The following PINK1 variants were observed in gnomAD, a reference collection of about 807,000 sequenced individuals.
PINK1 encodes PTEN induced kinase 1, also known as serine/threonine-protein kinase PINK1, mitochondrial.
In PINK1, 58 loss-of-function variants were observed where a neutral mutation model predicts 56.0. The observed-to-expected ratio is 1.04, with a 90% CI of 0.84 to 1.29. The LOEUF is 1.29. Among genes scored for constraint, PINK1 ranks in the 50% most tolerant of loss-of-function variants. The pLI is 0.00. For synonymous variants in PINK1, 354 were observed against 339.3 expected (o/e 1.04, Z -0.48); for missense variants, 745 against 777.9 (o/e 0.96, Z 0.50).
Position 20,633,498 on chromosome 1 carries a change from C to G in PINK1, c.-51C>G. ...AGTTTGTTGTGACCGGCGGGGGACG[C>G]CGGTGGTGGCGGCAGCGGCGGCTGC... On this transcript the variant is annotated 5_prime_UTR_variant, in exon 1 of 8. Coordinates refer to ENST00000321556, the MANE Select transcript of PINK1 (RefSeq NM_032409.3). The G allele has an allele frequency of 9.0e-7, 1 of 1,105,988 alleles. No homozygotes were observed. The highest frequency in any genetic ancestry group is 4.4e-5 in the South Asian group (1 of 22,942). The allele number at this position is 1,105,988 out of a possible 1,614,324, so 68.5% of individuals were successfully genotyped here. A position where few individuals can be genotyped will look rare whatever the true frequency, so the allele number is the denominator to read the frequency against.
chr1:20,637,139 T>A (rs575513436), intron 1 of PINK1, among the ~76,000 whole-genome samples: 43 of 152,252 alleles, frequency 2.8e-4, no homozygotes, highest in Admixed American at 2.4e-3. Context: ...GCTCAGCAGA[T>A]CAGACCATTT....
intron 7 of PINK1, 27 bp downstream of exon 7, chr1:20,649,258 A>C: frequency 6.2e-7 from 1 of 1,609,324 alleles, no homozygotes; most frequent in South Asian, 1.1e-5. Context: ...CTTCGAGGGG[A>C]CGGTGTGGGT....
chr1:20,650,156 G>C (rs942586302), intron 7 of PINK1: 2 of 517,428 alleles, frequency 3.9e-6, no homozygotes, highest in Admixed American at 6.4e-5. Flanking sequence ...CAAGGGACCA[G>C]ATAGCTGTGC....
At position 20,641,026 on chromosome 1, in the gene PINK1, T is replaced by C. The variant is rs2053110454; in HGVS notation, c.776+1034T>C. Among the ~76,000 whole-genome samples the C allele has an allele frequency of 1.3e-5, 2 of 152,026 alleles. No homozygotes were observed. Among genetic ancestry groups the C allele is most frequent in the Admixed American group, 1.3e-4 (2 of 15,260 alleles). Reference sequence around the variant, plus strand: ...CACTCCAGCCTGGGCGACCCTGGAGTGAGACCCTGTCTCTCATTTGTAGAC... The same window carrying C: ...CACTCCAGCCTGGGCGACCCTGGAGCGAGACCCTGTCTCTCATTTGTAGAC... On this transcript the variant is annotated intron_variant, in intron 3 of 7. Transcript: ENST00000321556. The surrounding 1 kb of genome is among the most constrained non-coding windows in gnomAD (Gnocchi z 4.0).
In PINK1 at chr1:20,644,588, T is replaced by G. The variant is rs938442681; in HGVS notation, c.875T>G (p.Leu292Arg). Residue 292 changes from leucine to arginine, a missense_variant, in exon 4 of 8, where the codon CTG (leucine) becomes CGG (arginine). Transcript: ENST00000321556. ...TCCGTGCCGCTGCTGCCAGGGGCCC[T>G]GGTCGACTACCCTGATGTGCTGCCC... Reference protein sequence around the residue: ...TSSVPLLPGALVDYPDVLPSR... With the variant: ...TSSVPLLPGARVDYPDVLPSR... 1 of 1,614,094 alleles carries G rather than the reference T, an allele frequency of 6.2e-7. No homozygotes were observed. The highest frequency in any genetic ancestry group is 8.5e-7 in the Non-Finnish European group (1 of 1,180,040).
intron 7 of PINK1, chr1:20,650,217 C>T (rs960057052): frequency 4.8e-6 from 3 of 623,764 alleles, no homozygotes; most frequent in Admixed American, 5.3e-5. Context: ...TTCAACAATG[C>T]ATGCTGCCCC....
Position 20,651,274 on chromosome 1 carries a change from T to C in PINK1, c.*583T>C, listed in dbSNP as rs1418399575. 3 of 164,392 alleles carry C rather than the reference T, an allele frequency of 1.8e-5. No homozygotes were observed. Among genetic ancestry groups the C allele is most frequent in the Admixed American group, 1.7e-4 (3 of 17,948 alleles). 10.2% of individuals were successfully genotyped at this position (164,392 alleles called of 1,614,324 possible). A position where few individuals can be genotyped will look rare whatever the true frequency, so the allele number is the denominator to read the frequency against. On this transcript the variant is annotated 3_prime_UTR_variant, in exon 8 of 8. Coordinates refer to ENST00000321556, the MANE Select transcript of PINK1 (RefSeq NM_032409.3). Reference sequence around the variant, plus strand: ...GAGGGTTTCCCTCCTGACTAGCCTCTCTTACAGGAATTGTGAAATATTAAA... The same window carrying C: ...GAGGGTTTCCCTCCTGACTAGCCTCCCTTACAGGAATTGTGAAATATTAAA...
chr1:20,650,462 T>C lies in PINK1; in HGVS notation c.1517T>C (p.Val506Ala). The part of the protein sequence containing the change: ...KRPSARVAAN[V>A]LHLSLWGEHI... ...CCATCTGCCCGAGTAGCCGCAAATGTGCTTCATCTAAGCCTCTGGGGTGAA... is the reference window on the plus strand; with the variant it reads ...CCATCTGCCCGAGTAGCCGCAAATGCGCTTCATCTAAGCCTCTGGGGTGAA... The change falls in exon 8 of 8, where the codon GTG becomes GCG. Residue 506 changes from valine to alanine, a missense_variant. Coordinates refer to ENST00000321556, the MANE Select transcript of PINK1 (RefSeq NM_032409.3). The C allele has an allele frequency of 6.2e-7, 1 of 1,614,034 alleles. No homozygotes were observed. The highest frequency in any genetic ancestry group is 8.5e-7 in the Non-Finnish European group (1 of 1,179,920).
At position 20,649,100 on chromosome 1, in the gene PINK1, T is replaced by C. The variant is rs2154534008; in HGVS notation, c.1357T>C (p.Phe453Leu). Residue 453 changes from phenylalanine to leucine, a missense_variant, in exon 7 of 8, where the codon TTC becomes CTC. Coordinates refer to ENST00000321556, the MANE Select transcript of PINK1 (RefSeq NM_032409.3). The stretch of plus-strand genomic sequence containing the variant: ...TGAAATCTTCGGGCTTGTCAATCCC[T>C]TCTACGGCCAGGGCAAGGCCCACCT... The part of the protein sequence containing the change: ...AYEIFGLVNP[F>L]YGQGKAHLES... 1 of 1,614,234 alleles carries C rather than the reference T, an allele frequency of 6.2e-7. No individual in the cohort carries two copies. Among genetic ancestry groups the C allele is most frequent in the African/African-American group, 1.3e-5 (1 of 75,070 alleles).
In PINK1 at chr1:20,644,613, C is replaced by T. The variant is rs1276422463; in HGVS notation, c.900C>T (p.Pro300=). ...GALVDYPDVL[P]SRLHPEGLGH... ...TGGTCGACTACCCTGATGTGCTGCCCTCACGCCTCCACCCTGAAGGCCTGG... is the reference window on the plus strand; with the variant it reads ...TGGTCGACTACCCTGATGTGCTGCCTTCACGCCTCCACCCTGAAGGCCTGG... The change falls in exon 4 of 8, where the codon CCC becomes CCT. Residue 300 remains proline, a synonymous_variant. Coordinates refer to ENST00000321556, the MANE Select transcript of PINK1 (RefSeq NM_032409.3). The T allele has an allele frequency of 1.9e-6, 3 of 1,614,106 alleles. No homozygotes were observed. The highest frequency in any genetic ancestry group is 1.7e-6 in the Non-Finnish European group (2 of 1,180,050).
rs529969605 is a variant in PINK1 at position 20,641,088 on chromosome 1, A to T, written c.776+1096A>T. ...AGGTGGGTCTGCTGCATTTTTGGTG[A>T]TTTACTGGAGGGCTGGTTTATAGAT... On this transcript the variant is annotated intron_variant, in intron 3 of 7. Transcript: ENST00000321556. The surrounding 1 kb of genome is among the most constrained non-coding windows in gnomAD (Gnocchi z 4.0). Among the ~76,000 whole-genome samples the T allele has an allele frequency of 6.6e-6, 1 of 152,006 alleles. No individual in the cohort carries two copies. The highest frequency in any genetic ancestry group is 2.4e-5 in the African/African-American group (1 of 41,450).
Position 20,651,128 on chromosome 1 carries a change from C to A in PINK1, c.*437C>A. Reference sequence around the variant, plus strand: ...GTTCAGTTACGGGAGTGGGAAATTACATGAGGCCTGGGCCTCTGCGTTCCC... The same window carrying A: ...GTTCAGTTACGGGAGTGGGAAATTAAATGAGGCCTGGGCCTCTGCGTTCCC... On this transcript the variant is annotated 3_prime_UTR_variant, in exon 8 of 8. Coordinates refer to ENST00000321556, the MANE Select transcript of PINK1 (RefSeq NM_032409.3). 3.9e-6 allele frequency: 1 copy of A among 258,470 alleles called. No homozygotes were observed. Among genetic ancestry groups the A allele is most frequent in the Non-Finnish European group, 7.7e-6 (1 of 130,682 alleles). The allele number at this position is 258,470 out of a possible 1,614,324, so 16.0% of individuals were successfully genotyped here.
chr1:20,645,504 A>C (rs2053167756), intron 4 of PINK1, 56 bp from the exon 5 acceptor site: 1 of 1,517,242 alleles, frequency 6.6e-7, no homozygotes, highest in Non-Finnish European at 9.0e-7. Flanking sequence ...AAAAAAAAAA[A>C]CGTATTGGGA....
At chr1:20,649,634 A>G (rs1186039556) in intron 7 of PINK1, 1 of 228,822 alleles carries the variant, frequency 4.4e-6, no homozygotes, top group African/African-American at 2.3e-5. Flanking sequence ...GTGTCGTGGC[A>G]CACGCCTGTA....
chr1:20,648,572 G>T lies in PINK1; in HGVS notation c.1191G>T (p.Gln397His). 6.2e-7 allele frequency: 1 copy of T among 1,614,194 alleles called. No individual in the cohort carries two copies. Among genetic ancestry groups the T allele is most frequent in the Non-Finnish European group, 8.5e-7 (1 of 1,180,040 alleles). The part of the protein sequence containing the change: ...CCLADESIGL[Q>H]LPFSSWYVDR... The stretch of plus-strand genomic sequence containing the variant: ...TGGCTGATGAGAGCATCGGCCTGCA[G>T]TTGCCCTTCAGCAGCTGGTACGTGG... The change falls in exon 6 of 8, where the codon CAG becomes CAT. Residue 397 changes from glutamine (Q) to histidine (H), a missense_variant. Coordinates refer to ENST00000321556, the MANE Select transcript of PINK1 (RefSeq NM_032409.3).
At position 20,650,673 on chromosome 1, in the gene PINK1, A is replaced by G. The variant is rs149994404; in HGVS notation, c.1728A>G (p.Ser576=). The change falls in exon 8 of 8, where the codon TCA becomes TCG. Residue 576 remains serine, a synonymous_variant. Transcript: ENST00000321556. ...GCCAGGCAGCCCTCCTCCTCTGCTC[A>G]TGGAGGGCAGCCCTGTGATGTCCCT... ...TLCQAALLLC[S]WRAAL The G allele has an allele frequency of 5.0e-4, 803 of 1,613,832 alleles. No homozygotes were observed. Among genetic ancestry groups the G allele is most frequent in the Non-Finnish European group, 6.4e-4 (755 of 1,180,020 alleles).
intron 3 of PINK1, chr1:20,642,970 G>T (rs2053132464): frequency 6.6e-6 from 1 of 152,206 alleles, no homozygotes. Context: ...ATTTCCATCA[G>T]TTACTGATTC....
Position 20,650,579 on chromosome 1 carries a change from CAG to C in PINK1, c.1638_1639del (p.Lys547ValfsTer14). ...GCCACTTTGTTGGCCAACAGGCTCA[CAG>C]AGAAGTGTTGTGTGGAAACAAAAAT... On this transcript the variant is annotated frameshift_variant, in exon 8 of 8. Transcript: ENST00000321556. LOFTEE classifies it high-confidence loss of function. The C allele has an allele frequency of 1.2e-6, 2 of 1,614,226 alleles. No homozygotes were observed. The highest frequency in any genetic ancestry group is 1.7e-6 in the Non-Finnish European group (2 of 1,180,038).
chr1:20,648,278 C>A, intron 5 of PINK1: 1 of 596,620 alleles, frequency 1.7e-6, no homozygotes, highest in South Asian at 1.9e-5. Context: ...TTGAGCCACA[C>A]AGTCCTTTGC....
Sources: allele counts gnomAD v4.1 joint callset (sites outside exome capture counted in the v4.1 genomes callset), GRCh38; gene constraint gnomAD v4.1.1; non-coding constraint Gnocchi (gnomAD v3.1); transcripts MANE v1.5; gene names NCBI Gene and HGNC (gene_info 2026-07-23, HGNC 2026-07-21).